The following SLIT2 variants were observed in gnomAD, a reference collection of about 807,000 sequenced individuals.
The protein encoded by SLIT2 is slit homolog 2 protein.
In SLIT2, 41 loss-of-function variants were observed where a neutral mutation model predicts 185.7. The observed-to-expected ratio is 0.22, with a 90% CI of 0.17 to 0.29. SLIT2 has a LOEUF of 0.29. Among genes scored for constraint, SLIT2 ranks in the 10% least tolerant of loss-of-function variants. The probability of loss-of-function intolerance (pLI) is 1.00; values close to 1 mark genes in which losing one functional copy is unlikely to be tolerated. For missense variants in SLIT2, 1,571 were observed against 1,909.0 expected (o/e 0.82, Z 3.30); for synonymous variants, 693 against 680.2 (o/e 1.02, Z -0.29).
chr4:20,268,694 T>G (rs775424029), intron 3 of SLIT2, 116 bp from the exon 4 acceptor site: 1 of 757,016 alleles, frequency 1.3e-6, no homozygotes, highest in Non-Finnish European at 2.4e-6. Flanking sequence ...TGAATTCTCC[T>G]GAATGTCATT....
Position 20,262,047 on chromosome 4 carries a change from A to G in SLIT2, c.323+4108A>G, listed in dbSNP as rs184336165. Among the ~76,000 whole-genome samples the G allele has an allele frequency of 6.5e-3, 994 of 151,972 alleles. 16 individuals carry two copies. The highest frequency in any genetic ancestry group is 0.023 in the African/African-American group (950 of 41,526). On this transcript the variant is annotated intron_variant, in intron 3 of 36. Coordinates refer to ENST00000504154, the MANE Select transcript of SLIT2 (RefSeq NM_004787.4). ...CTGAAAATATTATTATGATAAAGCC[A>G]TGTAAGGAATCTTGAACAGTCAAGC...
At position 20,619,176 on chromosome 4, in the gene SLIT2, A is replaced by T. The variant is rs1026744418; in HGVS notation, c.*167A>T. ...TTTTTTCTGCATTTGGAAAAAAAAA[A>T]AAAGAAATGCTTGAACTAAAGCTTC... On this transcript the variant is annotated 3_prime_UTR_variant, in exon 37 of 37. Transcript: ENST00000504154. The T allele has an allele frequency of 4.4e-6, 3 of 680,088 alleles. No individual in the cohort carries two copies. The African/African-American group carries it at 5.5e-5, about 12-fold the overall frequency. The allele number at this position is 680,088 out of a possible 1,614,324, so 42.1% of individuals were successfully genotyped here. A position where few individuals can be genotyped will look rare whatever the true frequency, so the allele number is the denominator to read the frequency against.
rs937308463 is a variant in SLIT2 at position 20,601,857 on chromosome 4, T to C, written c.3692+3462T>C. Among the ~76,000 whole-genome samples, 3 of 152,354 alleles carry C rather than the reference T, an allele frequency of 2.0e-5. No individual in the cohort carries two copies. The South Asian group carries it at 6.2e-4, about 32-fold the overall frequency. On this transcript the variant is annotated intron_variant, in intron 33 of 36. Transcript: ENST00000504154. ...GTTCAGTTTTATTGCCATAATTCTA[T>C]GTTATATAAAATTTACTTTGGTAAA...
chr4:20,367,733 A>G (rs1194283627), intron 4 of SLIT2, among the ~76,000 whole-genome samples: 1 of 152,092 alleles, frequency 6.6e-6, no homozygotes, highest in Non-Finnish European at 1.5e-5. Context: ...CTTGGCCCCT[A>G]TCTTTGCCAT....
intron 4 of SLIT2, among the ~76,000 whole-genome samples, chr4:20,389,674 T>C (rs1725262046): frequency 6.6e-6 from 1 of 152,056 alleles, no homozygotes; most frequent in Non-Finnish European, 1.5e-5. Flanking sequence ...GAGGTGAGCA[T>C]AAGACTTATC....
At chr4:20,340,546 T>A (rs1355445020) in intron 4 of SLIT2, among the ~76,000 whole-genome samples, 1 of 152,160 alleles carries the variant, frequency 6.6e-6, no homozygotes, top group Admixed American at 6.6e-5. Flanking sequence ...TCATAGAGTT[T>A]AATTTATGGC....
chr4:20,431,714 G>A (rs1478229115), intron 4 of SLIT2, among the ~76,000 whole-genome samples: 1 of 152,198 alleles, frequency 6.6e-6, no homozygotes, highest in Non-Finnish European at 1.5e-5. Flanking sequence ...TGGAAGGGCT[G>A]GTCGAGGTCC....
intron 4 of SLIT2, among the ~76,000 whole-genome samples, chr4:20,281,383 T>G (rs1284318318): frequency 6.6e-6 from 1 of 152,206 alleles, no homozygotes; most frequent in Non-Finnish European, 1.5e-5. Context: ...ATTTTTTTTG[T>G]AATAGGTTGG....
At chr4:20,379,710 T>C (rs1479525202) in intron 4 of SLIT2, among the ~76,000 whole-genome samples, 1 of 152,090 alleles carries the variant, frequency 6.6e-6, no homozygotes, top group Non-Finnish European at 1.5e-5. Context: ...AATGAAAATA[T>C]ATGGAACAAT....
chr4:20,258,359 C>T (rs1233683527), intron 3 of SLIT2, among the ~76,000 whole-genome samples: 1 of 151,566 alleles, frequency 6.6e-6, no homozygotes, highest in Non-Finnish European at 1.5e-5. Flanking sequence ...TTATCAGTGA[C>T]ATTTGATGAA....
Position 20,265,404 on chromosome 4 carries a change from A to G in SLIT2, c.324-3406A>G, listed in dbSNP as rs193197087. On this transcript the variant is annotated intron_variant, in intron 3 of 36. Transcript: ENST00000504154. ...CCTTAGTATGGATGGAAGAGAGAAT[A>G]GAAAAAGTGGAGCCAAATGTGTATT... Among the ~76,000 whole-genome samples the G allele has an allele frequency of 2.1e-3, 317 of 152,066 alleles. 3 individuals carry two copies. The highest frequency in any genetic ancestry group is 7.4e-3 in the African/African-American group (309 of 41,540).
At chr4:20,558,628 C>T (rs1349155411) in intron 26 of SLIT2, among the ~76,000 whole-genome samples, 1 of 152,006 alleles carries the variant, frequency 6.6e-6, no homozygotes. Flanking sequence ...TCTGCCTGTA[C>T]ATACATTCAT....
chr4:20,542,564 C>A lies in SLIT2; in HGVS notation c.2214C>A (p.Val738=), dbSNP rs1031722672. ...PTECTCLDTV[V]RCSNKGLKVL... is the part of the protein sequence containing the mutation. Reference sequence around the variant, plus strand: ...AATGTACTTGCTTGGATACAGTCGTCCGATGTAGCAACAAGGGTTTGAAGG... The same window carrying A: ...AATGTACTTGCTTGGATACAGTCGTACGATGTAGCAACAAGGGTTTGAAGG... The change falls in exon 21 of 37, where the codon GTC becomes GTA. Residue 738 remains valine, a synonymous_variant. Coordinates refer to ENST00000504154, the MANE Select transcript of SLIT2 (RefSeq NM_004787.4). 1.2e-6 allele frequency: 2 copies of A among 1,613,790 alleles called. No individual in the cohort carries two copies. Among genetic ancestry groups the A allele is most frequent in the Non-Finnish European group, 1.7e-6 (2 of 1,179,776 alleles).
At chr4:20,315,997 TAGTG>T (rs1347681606) in intron 4 of SLIT2, among the ~76,000 whole-genome samples, 6 of 152,002 alleles carry the variant, frequency 3.9e-5, no homozygotes, top group Non-Finnish European at 8.8e-5. Context: ...TTGGTAGTGA[TAGTG>T]AGCCAGGCAG....
intron 6 of SLIT2, among the ~76,000 whole-genome samples, chr4:20,485,314 T>C (rs1717109125): frequency 6.6e-6 from 1 of 152,170 alleles, no homozygotes; most frequent in Admixed American, 6.6e-5. Flanking sequence ...AGTATATGCC[T>C]GATTTATTTT....
intron 4 of SLIT2, among the ~76,000 whole-genome samples, chr4:20,389,219 AATT>A (rs1389619087): frequency 3.3e-5 from 5 of 151,702 alleles, no homozygotes; most frequent in African/African-American, 4.8e-5. Flanking sequence ...ATGTTATTGT[AATT>A]ATTATAGGGT....
At chr4:20,599,309 A>G (rs904262729) in intron 33 of SLIT2, among the ~76,000 whole-genome samples, 1 of 152,172 alleles carries the variant, frequency 6.6e-6, no homozygotes, top group Non-Finnish European at 1.5e-5. Context: ...ACCCAACACC[A>G]ATTCCCTAAC....
chr4:20,349,757 A>G (rs1313521914), intron 4 of SLIT2, among the ~76,000 whole-genome samples: 2 of 152,136 alleles, frequency 1.3e-5, no homozygotes, highest in East Asian at 3.9e-4. Flanking sequence ...TAAAATGTTG[A>G]CCCTATGGGT....
At chr4:20,333,814 G>A (rs1334236799) in intron 4 of SLIT2, among the ~76,000 whole-genome samples, 1 of 152,112 alleles carries the variant, frequency 6.6e-6, no homozygotes, top group Non-Finnish European at 1.5e-5. Flanking sequence ...TGTAAAGGTT[G>A]CAATTATTTA....
Sources: allele counts gnomAD v4.1 joint callset (sites outside exome capture counted in the v4.1 genomes callset), GRCh38; gene constraint gnomAD v4.1.1; transcripts MANE v1.5; gene names NCBI Gene and HGNC (gene_info 2026-07-23, HGNC 2026-07-21).